The following TMPRSS7 variants were observed in gnomAD, a reference collection of about 807,000 sequenced individuals.
The protein encoded by TMPRSS7 is transmembrane protease serine 7.
In TMPRSS7, 81 loss-of-function variants were observed where a neutral mutation model predicts 95.6. The observed-to-expected ratio is 0.85, with a 90% CI of 0.71 to 1.02. The LOEUF is 1.02. Among genes scored for constraint, TMPRSS7 ranks in the 50% least tolerant of loss-of-function variants. TMPRSS7 has a pLI of 0.00. For missense variants in TMPRSS7, 945 were observed against 955.2 expected, an observed-to-expected ratio of 0.99 and a Z score of 0.14; for synonymous variants, 364 against 337.8, an observed-to-expected ratio of 1.08 and a Z score of -0.85.
At chr3:112,045,028 T>C (rs1397579676) in intron 4 of TMPRSS7, among the ~76,000 whole-genome samples, 2 of 152,236 alleles carry the variant, frequency 1.3e-5, no homozygotes, top group African/African-American at 4.8e-5. Flanking sequence ...TGTATTCGGC[T>C]TCAGTTTTCT....
In TMPRSS7 at chr3:112,044,445, C is replaced by A. The variant is rs1239635096; in HGVS notation, c.497+123C>A. ...TCTTGGAAGTGGTTGGGGATTCATA[C>A]TGTATTAGCACAACTAGCGACTCAA... On this transcript the variant is annotated intron_variant, in intron 4 of 17. Coordinates refer to ENST00000452346, the Ensembl canonical transcript of TMPRSS7. The A allele has an allele frequency of 4.9e-6, 4 of 810,258 alleles. No individual in the cohort carries two copies. In the East Asian group the frequency reaches 8.1e-5, roughly 16 times the overall value. 50.2% of individuals were successfully genotyped at this position (810,258 alleles called of 1,614,324 possible).
intron 9 of TMPRSS7, among the ~76,000 whole-genome samples, chr3:112,051,992 A>G (rs1198905122): frequency 1.3e-5 from 2 of 152,172 alleles, no homozygotes; most frequent in African/African-American, 4.8e-5. Flanking sequence ...CTGGGGATCC[A>G]CGAAATCAGA....
At chr3:112,080,322 C>A (rs1379672610) in intron 17 of TMPRSS7, among the ~76,000 whole-genome samples, 2 of 152,152 alleles carry the variant, frequency 1.3e-5, no homozygotes, top group African/African-American at 4.8e-5. Context: ...TGTGGACCAG[C>A]AGTTGTTAGG....
At chr3:112,080,510 A>G (rs2073764355) in intron 17 of TMPRSS7, among the ~76,000 whole-genome samples, 1 of 152,080 alleles carries the variant, frequency 6.6e-6, no homozygotes, top group Admixed American at 6.6e-5. Context: ...AGCTAGCACT[A>G]AATAAATTTT....
intron 6 of TMPRSS7, chr3:112,047,315 A>G: frequency 1.6e-6 from 1 of 608,594 alleles, no homozygotes; most frequent in South Asian, 1.6e-5. Flanking sequence ...TGTATTTGTA[A>G]CAAGGACCAC....
intron 2 of TMPRSS7, among the ~76,000 whole-genome samples, chr3:112,039,375 T>C (rs916105368): frequency 1.3e-5 from 2 of 152,252 alleles, no homozygotes; most frequent in Non-Finnish European, 2.9e-5. Context: ...TATACATACA[T>C]TTTGTTATAA....
At chr3:112,044,042 A>C (rs1018299453) in intron 3 of TMPRSS7, among the ~76,000 whole-genome samples, 2 of 152,250 alleles carry the variant, frequency 1.3e-5, no homozygotes, top group African/African-American at 4.8e-5. Context: ...GATTTTTCAC[A>C]GATAGCAGAA....
intron 3 of TMPRSS7, among the ~76,000 whole-genome samples, chr3:112,043,995 G>C (rs757509652): frequency 2.6e-5 from 4 of 152,212 alleles, no homozygotes; most frequent in Non-Finnish European, 5.9e-5. Flanking sequence ...CAGAAGTTAA[G>C]TTTGAGTTTA....
At chr3:112,034,815 C>T (rs1278748648), upstream of TMPRSS7, 1 of 702,392 alleles carries the variant, frequency 1.4e-6, no homozygotes, top group South Asian at 1.5e-5. Context: ...TTTGAGACAC[C>T]CCTGGATGAT....
At chr3:112,038,814 A>G (rs1226599610) in intron 2 of TMPRSS7, among the ~76,000 whole-genome samples, 1 of 151,988 alleles carries the variant, frequency 6.6e-6, no homozygotes, top group East Asian at 1.9e-4. Flanking sequence ...CATAAGCCAG[A>G]ATTCTCTTTC....
At chr3:112,039,524 AGG>A (rs2073184186) in intron 2 of TMPRSS7, 2 of 152,120 alleles carry the variant, frequency 1.3e-5, no homozygotes, top group African/African-American at 2.4e-5. Context: ...AACTTTCAAG[AGG>A]GGGCTGAAGA....
At chr3:112,063,734 A>AC in intron 12 of TMPRSS7, 102 bp downstream of exon 12, 1 of 974,740 alleles carries the variant, frequency 1.0e-6, no homozygotes, top group Non-Finnish European at 1.6e-6. Flanking sequence ...GTTATTATCT[A>AC]TTACTGCATA....
chr3:112,072,787 T>C (rs2073666719), intron 13 of TMPRSS7, among the ~76,000 whole-genome samples: 1 of 152,264 alleles, frequency 6.6e-6, no homozygotes, highest in East Asian at 1.9e-4. Flanking sequence ...CAGGCATATG[T>C]GCCACATTTG....
At chr3:112,058,102 C>A (rs188643678) in intron 10 of TMPRSS7, among the ~76,000 whole-genome samples, 1 of 152,206 alleles carries the variant, frequency 6.6e-6, no homozygotes, top group African/African-American at 2.4e-5. Context: ...TCAGAGAATT[C>A]TGTTAAGTTA....
intron 4 of TMPRSS7, among the ~76,000 whole-genome samples, chr3:112,044,925 A>G (rs1203912807): frequency 1.3e-5 from 2 of 152,172 alleles, no homozygotes; most frequent in Non-Finnish European, 2.9e-5. Context: ...ACGTGGCAGT[A>G]TTTATGTCAT....
intron 17 of TMPRSS7, among the ~76,000 whole-genome samples, chr3:112,079,897 T>C (rs1163515476): frequency 6.6e-6 from 1 of 152,184 alleles, no homozygotes; most frequent in Non-Finnish European, 1.5e-5. Flanking sequence ...AGTGTAAATG[T>C]CTGAGCTGGG....
intron 2 of TMPRSS7, among the ~76,000 whole-genome samples, chr3:112,038,820 C>T (rs1414846737): frequency 6.6e-6 from 1 of 151,972 alleles, no homozygotes; most frequent in Non-Finnish European, 1.5e-5. Context: ...CCAGAATTCT[C>T]TTTCTCATTT....
At chr3:112,034,824 A>T (rs1216502626), upstream of TMPRSS7, 2 of 702,822 alleles carry the variant, frequency 2.8e-6, no homozygotes, top group Admixed American at 4.0e-5. Flanking sequence ...CCCCTGGATG[A>T]TCACACACAA....
intron 13 of TMPRSS7, 29 bp from the exon 14 acceptor site, chr3:112,074,267 A>C (rs763207446): frequency 4.0e-6 from 6 of 1,508,950 alleles, no homozygotes; most frequent in Non-Finnish European, 4.6e-6. Context: ...TGGCTAAGGA[A>C]AGCTGTTTCT....
Sources: gnomAD v4.1 joint callset for allele counts (sites outside exome capture counted in the v4.1 genomes callset) on GRCh38, gnomAD v4.1.1 for gene constraint, MANE v1.5 for transcripts, NCBI Gene and HGNC (gene_info 2026-07-23, HGNC 2026-07-21) for gene names.